HDAC9: variants seen among roughly 807,000 people sequenced by gnomAD.
HDAC9 encodes the protein MEF-2 interacting transcription repressor (MITR) protein.
Under a neutral mutation model 139.4 loss-of-function variants are expected in HDAC9, and 41 were observed. The observed-to-expected ratio is 0.29, with a 90% CI of 0.23 to 0.38. The LOEUF is 0.38. Ranked by LOEUF, HDAC9 falls within the 10% of genes least tolerant of loss-of-function variation. The pLI, the probability that HDAC9 is intolerant of heterozygous loss-of-function variation, is 1.00. For missense variants in HDAC9, 1,147 were observed against 1,297.0 expected, an observed-to-expected ratio of 0.88 and a Z score of 1.78; for synonymous variants, 517 against 476.2, an observed-to-expected ratio of 1.09 and a Z score of -1.12.
intron 2 of HDAC9, among the ~76,000 whole-genome samples, chr7:18,171,400 A>AT (rs1481657617): frequency 6.6e-6 from 1 of 152,184 alleles, no homozygotes; most frequent in Non-Finnish European, 1.5e-5. Flanking sequence ...AACAGGGACA[A>AT]TTTGACTTCC....
intron 16 of HDAC9, among the ~76,000 whole-genome samples, chr7:18,772,807 T>A (rs1481807816): frequency 6.6e-6 from 1 of 152,080 alleles, no homozygotes; most frequent in Non-Finnish European, 1.5e-5. Flanking sequence ...AGAATTTAGT[T>A]TCATGCTGCA....
chr7:18,557,820 A>G (rs569260475), intron 2 of HDAC9, among the ~76,000 whole-genome samples: 2 of 151,386 alleles, frequency 1.3e-5, no homozygotes, highest in Non-Finnish European at 3.0e-5. Flanking sequence ...GGCTTTTGGC[A>G]TATTAGGGGC....
chr7:18,818,686 T>C (rs1794746634), intron 17 of HDAC9, among the ~76,000 whole-genome samples: 1 of 152,224 alleles, frequency 6.6e-6, no homozygotes. Context: ...CTGCATTCTG[T>C]ATTTATTGGC....
At chr7:18,842,488 T>G (rs1480715284) in intron 21 of HDAC9, among the ~76,000 whole-genome samples, 2 of 152,062 alleles carry the variant, frequency 1.3e-5, no homozygotes, top group Non-Finnish European at 2.9e-5. Flanking sequence ...TAAAAAGCAA[T>G]ACATATGAAT....
chr7:18,304,255 T>C (rs1308384362), intron 1 of HDAC9, among the ~76,000 whole-genome samples: 1 of 152,198 alleles, frequency 6.6e-6, no homozygotes, highest in South Asian at 2.1e-4. Context: ...GAACTAGAAA[T>C]TATCTGGATT....
At position 18,749,083 on chromosome 7, in the gene HDAC9, G is replaced by A. The variant is rs777828245; in HGVS notation, c.1988G>A (p.Arg663Gln). The A allele has an allele frequency of 1.9e-6, 3 of 1,613,576 alleles. No homozygotes were observed. The highest frequency in any genetic ancestry group is 1.3e-5 in the African/African-American group (1 of 74,904). ...ACCACCCACCCTGAGCATGCTGGAC[G>A]AATACAGAGTATCTGGTCACGACTG... ...NSTTHPEHAG[R>Q]IQSIWSRLQE... The change falls in exon 14 of 26, where the codon CGA becomes CAA. Residue 663 changes from arginine (R) to glutamine (Q), a missense_variant. Arg to Gln is a conservative substitution (Grantham distance 43). Transcript: ENST00000686413.
chr7:18,964,260 C>T (rs1288853202), intron 24 of HDAC9, among the ~76,000 whole-genome samples: 2 of 152,070 alleles, frequency 1.3e-5, no homozygotes, highest in Admixed American at 6.6e-5. Context: ...ATATTTTTTC[C>T]TGCTATTCCT....
At chr7:18,158,187 GA>G (rs1028429370) in intron 1 of HDAC9, among the ~76,000 whole-genome samples, 1 of 152,008 alleles carries the variant, frequency 6.6e-6, no homozygotes, top group Admixed American at 6.6e-5. Flanking sequence ...CAAAAGTGGG[GA>G]AAAAAGACAA....
intron 3 of HDAC9, among the ~76,000 whole-genome samples, chr7:18,587,773 A>G (rs561777835): frequency 7.2e-5 from 11 of 152,222 alleles, no homozygotes; most frequent in Non-Finnish European, 1.5e-4. Flanking sequence ...CAGAACATCT[A>G]GCAATAGAGG....
intron 11 of HDAC9, among the ~76,000 whole-genome samples, chr7:18,665,030 G>C (rs150365865): frequency 6.6e-6 from 1 of 152,134 alleles, no homozygotes; most frequent in Non-Finnish European, 1.5e-5. Flanking sequence ...TTGAGGTTGC[G>C]TGGACTGCAG....
intron 2 of HDAC9, among the ~76,000 whole-genome samples, chr7:18,217,738 G>A (rs369623543): frequency 6.6e-6 from 1 of 152,200 alleles, no homozygotes; most frequent in African/African-American, 2.4e-5. Flanking sequence ...GATTTTAAAA[G>A]CAGTACAAGT....
intron 6 of HDAC9, among the ~76,000 whole-genome samples, chr7:18,621,551 G>A (rs1356446338): frequency 6.6e-6 from 1 of 152,034 alleles, no homozygotes; most frequent in African/African-American, 2.4e-5. Context: ...GTATTATAAT[G>A]TCTTTAGGAA....
chr7:18,274,517 G>A (rs1796588464), intron 2 of HDAC9, among the ~76,000 whole-genome samples: 1 of 152,074 alleles, frequency 6.6e-6, no homozygotes, highest in Non-Finnish European at 1.5e-5. Context: ...CACCCCTATG[G>A]CCTAAACACC....
intron 13 of HDAC9, among the ~76,000 whole-genome samples, chr7:18,746,801 C>G (rs1788013905): frequency 6.6e-6 from 1 of 152,128 alleles, no homozygotes; most frequent in Non-Finnish European, 1.5e-5. Flanking sequence ...TCTGCACTCT[C>G]AAAGATCTCA....
At chr7:18,477,542 A>G (rs945603997) in intron 1 of HDAC9, among the ~76,000 whole-genome samples, 3 of 152,216 alleles carry the variant, frequency 2.0e-5, no homozygotes, top group African/African-American at 7.2e-5. Flanking sequence ...TGGTGAAAAT[A>G]CTTCTTTACT....
intron 13 of HDAC9, among the ~76,000 whole-genome samples, chr7:18,748,597 C>G (rs1213746274): frequency 6.6e-6 from 1 of 152,150 alleles, no homozygotes; most frequent in Non-Finnish European, 1.5e-5. Context: ...TTTAAAGAGA[C>G]AGCTTGTTTA....
At chr7:18,237,294 T>C (rs1370796226) in intron 2 of HDAC9, among the ~76,000 whole-genome samples, 1 of 152,220 alleles carries the variant, frequency 6.6e-6, no homozygotes, top group Admixed American at 6.5e-5. Flanking sequence ...TTTGGAAATA[T>C]CTAGTCACAT....
Position 18,585,197 on chromosome 7 carries a change from T to C in HDAC9, c.23-84T>C, listed in dbSNP as rs1829082885. 5 of 1,487,320 alleles carry C rather than the reference T, an allele frequency of 3.4e-6. No homozygotes were observed. In the East Asian group the frequency reaches 1.1e-4, roughly 34 times the overall value. The allele number at this position is 1,487,320 out of a possible 1,614,324, so 92.1% of individuals were successfully genotyped here. Reference sequence around the variant, plus strand: ...TTTGTTGTACAGGGTCTTATACTTTTTATTTGTTTCCAAATCAATGTGCTA... The same window carrying C: ...TTTGTTGTACAGGGTCTTATACTTTCTATTTGTTTCCAAATCAATGTGCTA... On this transcript the variant is annotated intron_variant, in intron 2 of 25. Transcript: ENST00000686413.
chr7:18,774,376 T>A (rs1428665876), intron 16 of HDAC9, among the ~76,000 whole-genome samples: 1 of 152,036 alleles, frequency 6.6e-6, no homozygotes, highest in East Asian at 1.9e-4. Flanking sequence ...CTAATTGATA[T>A]TTACTATGGA....
Sources: allele counts gnomAD v4.1 joint callset (sites outside exome capture counted in the v4.1 genomes callset), GRCh38; gene constraint gnomAD v4.1.1; transcripts MANE v1.5; gene names NCBI Gene and HGNC (gene_info 2026-07-23, HGNC 2026-07-21).